PAM: variants seen among roughly 807,000 people sequenced by gnomAD.
PAM encodes the protein peptidylglycine alpha-amidating monooxygenase, also known as peptidyl-glycine alpha-amidating monooxygenase.
A neutral mutation model predicts 122.1 loss-of-function variants in PAM; 72 were observed. That is an observed-to-expected ratio of 0.59 (90% CI 0.49 to 0.72). The LOEUF is 0.72. Ranked by LOEUF, PAM falls within the 30% of genes least tolerant of loss-of-function variation. The pLI is 0.00. For synonymous variants in PAM, 389 were observed against 404.4 expected (o/e 0.96, Z 0.46); for missense variants, 1,106 against 1,183.7 (o/e 0.93, Z 0.96).
At chr5:102,779,550 C>A (rs1380721043) in intron 1 of PAM, among the ~76,000 whole-genome samples, 2 of 152,006 alleles carry the variant, frequency 1.3e-5, no homozygotes, top group South Asian at 2.1e-4. Flanking sequence ...CTGAAGGATG[C>A]AAAGTATTGT....
rs201753852 is a variant in PAM, at chr5:103,019,811, A to G, written c.2453A>G (p.Lys818Arg). Residue 818 changes from lysine to arginine, a missense_variant, in exon 23 of 26, where the codon AAA becomes AGA. By Grantham distance (26) the Lys-to-Arg change is conservative (BLOSUM62 2). Coordinates refer to ENST00000438793, the MANE Select transcript of PAM (RefSeq NM_001177306.2). ...LTEKLEHRSV[K>R]KAGIEVQEIK... ...ACAGAATTGGAACATCGATCAGTTA[A>G]AAAGGCTGGCATTGAGGTCCAGGAA... 1.9e-6 allele frequency: 3 copies of G among 1,609,156 alleles called. No homozygotes were observed. The highest frequency in any genetic ancestry group is 2.6e-6 in the Non-Finnish European group (3 of 1,175,626).
chr5:103,001,718 T>C (rs889675922), intron 16 of PAM, among the ~76,000 whole-genome samples: 4 of 152,098 alleles, frequency 2.6e-5, no homozygotes, highest in African/African-American at 7.2e-5. Context: ...TTAAGAATTT[T>C]TTTTTGTTCT....
intron 4 of PAM, among the ~76,000 whole-genome samples, chr5:102,911,231 A>G (rs1306553709): frequency 6.6e-6 from 1 of 151,950 alleles, no homozygotes; most frequent in Non-Finnish European, 1.5e-5. Context: ...TTTCTTTAGG[A>G]TATGAAAAAA....
intron 3 of PAM, among the ~76,000 whole-genome samples, chr5:102,867,930 G>C (rs1470377328): frequency 6.6e-6 from 1 of 152,230 alleles, no homozygotes; most frequent in Non-Finnish European, 1.5e-5. Flanking sequence ...CGTTGTAAGA[G>C]ATGTATTTTG....
intron 7 of PAM, among the ~76,000 whole-genome samples, chr5:102,936,726 A>G (rs1420529759): frequency 6.6e-6 from 1 of 152,152 alleles, no homozygotes; most frequent in African/African-American, 2.4e-5. Flanking sequence ...ACTGTAACAA[A>G]CATATAAACA....
chr5:102,876,157 TC>T (rs1461847834), intron 3 of PAM, among the ~76,000 whole-genome samples: 1 of 152,198 alleles, frequency 6.6e-6, no homozygotes, highest in Non-Finnish European at 1.5e-5. Flanking sequence ...GGTTCTTTTC[TC>T]CCTCAGAGCC....
intron 7 of PAM, among the ~76,000 whole-genome samples, chr5:102,934,134 C>T (rs868327078): frequency 6.6e-6 from 1 of 152,168 alleles, no homozygotes. Context: ...TTAAGAATCT[C>T]CCTTGAAATT....
At chr5:102,939,667 T>A (rs1754449983) in intron 7 of PAM, among the ~76,000 whole-genome samples, 1 of 152,252 alleles carries the variant, frequency 6.6e-6, no homozygotes, top group African/African-American at 2.4e-5. Context: ...CATTACTACA[T>A]AAACATATTG....
intron 21 of PAM, among the ~76,000 whole-genome samples, chr5:103,016,023 T>C (rs540390012): frequency 1.3e-5 from 2 of 152,312 alleles, no homozygotes; most frequent in South Asian, 4.1e-4. Context: ...TGGCCTATCA[T>C]TTGGTAGTCT....
At chr5:102,802,985 T>A (rs563415648) in intron 1 of PAM, among the ~76,000 whole-genome samples, 1 of 152,054 alleles carries the variant, frequency 6.6e-6, no homozygotes, top group East Asian at 1.9e-4. Flanking sequence ...TTGCCAGGTG[T>A]GGTGGTGCAT....
intron 4 of PAM, among the ~76,000 whole-genome samples, chr5:102,911,993 T>A (rs1801554401): frequency 6.6e-6 from 1 of 152,046 alleles, no homozygotes; most frequent in Non-Finnish European, 1.5e-5. Flanking sequence ...AATATGTAAT[T>A]CTCTGACCTC....
intron 18 of PAM, among the ~76,000 whole-genome samples, chr5:103,006,089 CAT>C (rs1778883370): frequency 6.6e-6 from 1 of 152,050 alleles, no homozygotes; most frequent in Admixed American, 6.6e-5. Flanking sequence ...CACACACCAG[CAT>C]ACTTGGCTAA....
Position 102,990,347 on chromosome 5 carries a change from A to G in PAM, c.1559A>G (p.Asp520Gly), listed in dbSNP as rs1562160434. The G allele has an allele frequency of 6.2e-7, 1 of 1,609,948 alleles. No homozygotes were observed. Among genetic ancestry groups the G allele is most frequent in the Admixed American group, 1.7e-5 (1 of 59,856 alleles). The change falls in exon 16 of 26, where the codon GAC (aspartate) becomes GGC (glycine). Residue 520 changes from aspartate (D) to glycine (G), a missense_variant. By Grantham distance (94) the Asp-to-Gly change is moderately conservative. This residue lies in a region of PAM where 670 missense variants were observed against 690.3 expected (regional missense o/e 0.97). Transcript: ENST00000438793. ...LPGQVSGVAL[D>G]PKNNLVIFHR... ...GGCCAGGTTTCTGGGGTGGCTCTAG[A>G]CCCTAAGAATAACCTGGTGATTTTC... is the stretch of plus-strand genomic sequence containing the variant.
intron 1 of PAM, among the ~76,000 whole-genome samples, chr5:102,849,489 C>T (rs1251927816): frequency 7.0e-6 from 1 of 143,700 alleles, no homozygotes; most frequent in Non-Finnish European, 1.5e-5. Context: ...ACCCGGGAGG[C>T]GGAGATTGCA....
chr5:102,986,648 A>G (rs960348715), intron 15 of PAM, among the ~76,000 whole-genome samples: 2 of 152,192 alleles, frequency 1.3e-5, no homozygotes, highest in African/African-American at 4.8e-5. Context: ...AAATGACAAT[A>G]CTACCTGATA....
intron 1 of PAM, among the ~76,000 whole-genome samples, chr5:102,775,505 C>T (rs750191417): frequency 3.3e-5 from 5 of 152,122 alleles, no homozygotes; most frequent in South Asian, 4.2e-4. Flanking sequence ...CACCACACCC[C>T]GAAAGGCCCC....
intron 12 of PAM, among the ~76,000 whole-genome samples, chr5:102,957,393 G>GC (rs1001309275): frequency 4.9e-4 from 75 of 152,034 alleles, no homozygotes; most frequent in African/African-American, 1.7e-3. Flanking sequence ...CTGTATCCAC[G>GC]CCCCCCACCC....
intron 15 of PAM, among the ~76,000 whole-genome samples, chr5:102,977,225 C>T (rs1364726329): frequency 3.3e-5 from 5 of 152,090 alleles, no homozygotes; most frequent in African/African-American, 9.7e-5. Context: ...ATTTTCTGAA[C>T]CTTTAGTTTG....
intron 3 of PAM, among the ~76,000 whole-genome samples, chr5:102,881,125 T>TACATACACACACACACACAC (rs1790847302): frequency 1.4e-5 from 1 of 69,058 alleles, no homozygotes; most frequent in African/African-American, 9.7e-5. Context: ...ATAATTTTTA[T>TACATACACACACACACACAC]ACATACACAC....
Sources: gnomAD v4.1 joint callset for allele counts (sites outside exome capture counted in the v4.1 genomes callset) on GRCh38, gnomAD v4.1.1 for gene constraint, gnomAD v4.1.1 regional missense constraint, MANE v1.5 for transcripts, NCBI Gene and HGNC (gene_info 2026-07-23, HGNC 2026-07-21) for gene names.